SLC35D4: variants seen among roughly 807,000 people sequenced by gnomAD.
SLC35D4 encodes the protein solute carrier family 35 member D4.
At chr18:23,308,770 A>G in the SLC35D4 span, among the ~76,000 whole-genome samples, 24 of 152,262 alleles carry the variant, frequency 1.6e-4, no homozygotes, top group South Asian at 5.0e-3. Context: ...TGCATTCTAA[A>G]CAGGATCATT....
the SLC35D4 span, among the ~76,000 whole-genome samples, chr18:23,264,299 AC>A: frequency 6.7e-6 from 1 of 150,012 alleles, no homozygotes; most frequent in African/African-American, 2.4e-5. Flanking sequence ...GGGAACAGGC[AC>A]GCTACACAGC....
the SLC35D4 span, among the ~76,000 whole-genome samples, chr18:23,365,055 G>A: frequency 1.3e-5 from 2 of 151,780 alleles, no homozygotes; most frequent in African/African-American, 2.4e-5. Context: ...ACAAGAATTA[G>A]AGAACCAACT....
the SLC35D4 span, among the ~76,000 whole-genome samples, chr18:23,272,246 G>GCCTTC: frequency 6.6e-6 from 1 of 152,182 alleles, no homozygotes; most frequent in South Asian, 2.1e-4. Context: ...GGCTGCCACT[G>GCCTTC]CTGTGGAGGC....
At chr18:23,325,280 G>A in the SLC35D4 span, among the ~76,000 whole-genome samples, 43 of 152,042 alleles carry the variant, frequency 2.8e-4, 1 homozygote, top group East Asian at 3.3e-3. Context: ...ATTCATTTCC[G>A]GACTTGTCCT....
chr18:23,253,975 C>G, the SLC35D4 span: 1 of 1,567,336 alleles, frequency 6.4e-7, no homozygotes, highest in Middle Eastern at 1.7e-4. Context: ...GGAGCACATG[C>G]TCCGGTCCGG....
At chr18:23,276,446 T>G in the SLC35D4 span, among the ~76,000 whole-genome samples, 1 of 151,456 alleles carries the variant, frequency 6.6e-6, no homozygotes, top group African/African-American at 2.4e-5. Flanking sequence ...TTTTTTTTTT[T>G]AGAAAAAGGA....
the SLC35D4 span, among the ~76,000 whole-genome samples, chr18:23,311,182 G>T: frequency 5.3e-5 from 8 of 150,948 alleles, no homozygotes; most frequent in Non-Finnish European, 1.0e-4. Context: ...GCTCACTGTA[G>T]CCTCGACCTC....
chr18:23,317,582 G>A, the SLC35D4 span, among the ~76,000 whole-genome samples: 57,528 of 151,938 alleles, frequency 0.38, 12,541 homozygotes, highest in Admixed American at 0.52. Flanking sequence ...GAGCACTCAC[G>A]TAAACCTTAA....
At chr18:23,373,854 T>C in the SLC35D4 span, 14 of 1,420,760 alleles carry the variant, frequency 9.9e-6, no homozygotes, top group Middle Eastern at 2.1e-4. Flanking sequence ...TCCTCTGGAG[T>C]TGGATGAGGC....
At chr18:23,291,745 A>T in the SLC35D4 span, among the ~76,000 whole-genome samples, 1 of 152,220 alleles carries the variant, frequency 6.6e-6, no homozygotes, top group Non-Finnish European at 1.5e-5. Context: ...CACCATTTCC[A>T]TCACACCTTA....
the SLC35D4 span, among the ~76,000 whole-genome samples, chr18:23,347,921 T>C: frequency 6.6e-6 from 1 of 152,244 alleles, no homozygotes; most frequent in Non-Finnish European, 1.5e-5. Context: ...TTTCTTAAGA[T>C]GGAAGCATAA....
chr18:23,298,709 C>T, the SLC35D4 span, among the ~76,000 whole-genome samples: 3 of 152,192 alleles, frequency 2.0e-5, no homozygotes, highest in Admixed American at 6.5e-5. Flanking sequence ...TGAACCTCGC[C>T]GTAGACAGTC....
At chr18:23,327,433 T>A in the SLC35D4 span, among the ~76,000 whole-genome samples, 1 of 151,954 alleles carries the variant, frequency 6.6e-6, no homozygotes, top group Non-Finnish European at 1.5e-5. Flanking sequence ...TCTACGCAAA[T>A]AAACTAGAAA....
At chr18:23,337,453 C>T in the SLC35D4 span, among the ~76,000 whole-genome samples, 41 of 148,420 alleles carry the variant, frequency 2.8e-4, no homozygotes, top group African/African-American at 7.8e-4. Flanking sequence ...CCAGTCTGGG[C>T]GACAGAGCAA....
At chr18:23,361,282 A>C in the SLC35D4 span, among the ~76,000 whole-genome samples, 4 of 152,170 alleles carry the variant, frequency 2.6e-5, no homozygotes, top group Non-Finnish European at 5.9e-5. Context: ...GGAACCAGGA[A>C]GACAGCTCAT....
chr18:23,344,696 G>A, the SLC35D4 span, among the ~76,000 whole-genome samples: 3 of 151,316 alleles, frequency 2.0e-5, no homozygotes, highest in African/African-American at 7.3e-5. Context: ...CTGCCTCCTG[G>A]GTTCATGCCA....
chr18:23,350,580 T>G, the SLC35D4 span, among the ~76,000 whole-genome samples: 1 of 152,060 alleles, frequency 6.6e-6, no homozygotes, highest in Admixed American at 6.6e-5. Flanking sequence ...TTAAAAAAAA[T>G]CAAGCCCCTG....
the SLC35D4 span, among the ~76,000 whole-genome samples, chr18:23,431,153 C>CAAAAAAAAAAAAAAAAAAAAAAAACT: frequency 1.5e-5 from 1 of 66,248 alleles, no homozygotes; most frequent in Non-Finnish European, 2.7e-5. Flanking sequence ...GAGTATATCT[C>CAAAAAAAAAAAAAAAAAAAAAAAACT]AAAAAAAAAA....
the SLC35D4 span, among the ~76,000 whole-genome samples, chr18:23,345,113 C>T: frequency 0.17 from 26,223 of 151,884 alleles, 2,398 homozygotes; most frequent in Admixed American, 0.28. Context: ...TTAATGATGG[C>T]GAGCAAGGAT....
Sources: allele counts gnomAD v4.1 joint callset (sites outside exome capture counted in the v4.1 genomes callset), GRCh38; gene constraint gnomAD v4.1.1; transcripts MANE v1.5; gene names NCBI Gene and HGNC (gene_info 2026-07-23, HGNC 2026-07-21).